The following HELZ variants were observed in gnomAD, a reference collection of about 807,000 sequenced individuals.
HELZ encodes ATP-dependent RNA helicase with zinc finger domain.
A neutral mutation model predicts 218.2 loss-of-function variants in HELZ; 23 were observed. The ratio of observed to expected loss-of-function variants is 0.11; its 90% confidence interval spans 0.08 to 0.15. The LOEUF (loss-of-function observed/expected upper bound fraction) is 0.15. HELZ is among the 10% of genes least tolerant of loss of function. The probability of loss-of-function intolerance (pLI) is 1.00; values close to 1 mark genes in which losing one functional copy is unlikely to be tolerated. For missense variants in HELZ, 1,813 were observed against 2,353.7 expected (o/e 0.77, Z 4.75); for synonymous variants, 814 against 829.4 (o/e 0.98, Z 0.32).
upstream of HELZ, chr17:67,245,930 C>T (rs1337992860): frequency 6.6e-6 from 1 of 152,176 alleles, no homozygotes; most frequent in Non-Finnish European, 1.5e-5. Flanking sequence ...CGGAGCCACC[C>T]TGGGAGCGTC....
At chr17:67,086,615 A>AATAAAT (rs937505131) in intron 32 of HELZ, among the ~76,000 whole-genome samples, 1,304 of 100,086 alleles carry the variant, frequency 0.013, 57 homozygotes, top group African/African-American at 0.052. Flanking sequence ...TATATATATA[A>AATAAAT]ATAAATATAA....
chr17:67,174,495 G>A (rs563153472), intron 13 of HELZ, among the ~76,000 whole-genome samples: 4 of 152,174 alleles, frequency 2.6e-5, no homozygotes, highest in African/African-American at 9.6e-5. Flanking sequence ...TACTACTTTC[G>A]TGATTAGAAA....
intron 15 of HELZ, 99 bp downstream of exon 15, chr17:67,166,379 A>C: frequency 9.6e-7 from 1 of 1,040,216 alleles, no homozygotes; most frequent in Non-Finnish European, 1.4e-6. Context: ...TGAAAAGCAA[A>C]GGCAAACTTT....
intron 27 of HELZ, among the ~76,000 whole-genome samples, chr17:67,119,278 T>C (rs892235669): frequency 6.6e-6 from 1 of 152,170 alleles, no homozygotes; most frequent in Non-Finnish European, 1.5e-5. Flanking sequence ...AATAAACATA[T>C]TGCGGTACAT....
chr17:67,244,723 G>C (rs908343396), intron 1 of HELZ: 6 of 984,794 alleles, frequency 6.1e-6, no homozygotes, highest in Non-Finnish European at 7.2e-6. Flanking sequence ...CTGAGGGGGG[G>C]CATCGAGCGG....
At chr17:67,118,484 G>A (rs2143809683) in intron 27 of HELZ, among the ~76,000 whole-genome samples, 1 of 151,892 alleles carries the variant, frequency 6.6e-6, no homozygotes, top group African/African-American at 2.4e-5. Flanking sequence ...CCCAAAACAT[G>A]ATCCATAGAA....
chr17:67,106,516 C>A (rs1338574444), intron 31 of HELZ, among the ~76,000 whole-genome samples: 2 of 152,036 alleles, frequency 1.3e-5, no homozygotes, highest in African/African-American at 2.4e-5. Flanking sequence ...ACCGTGTTAG[C>A]CAGGATGGTC....
Position 67,145,736 on chromosome 17 carries a change from A to C in HELZ, c.2769+7T>G. On this transcript the variant is annotated splice_region_variant and intron_variant, in intron 21 of 32. Coordinates refer to ENST00000358691, the MANE Select transcript of HELZ (RefSeq NM_014877.4). ...ATGTTAACAATTTACAAAAAGAATT[A>C]AGGTACCTCTGCATTATTATAAAAA... 6.3e-7 allele frequency: 1 copy of C among 1,585,764 alleles called. No homozygotes were observed.
intron 20 of HELZ, among the ~76,000 whole-genome samples, chr17:67,148,104 C>T (rs866390424): frequency 7.9e-5 from 12 of 152,088 alleles, no homozygotes; most frequent in Middle Eastern, 3.2e-3. Context: ...TGAAGCCAGC[C>T]GGTCAGAAGT....
rs185027971 is a variant in HELZ, at chr17:67,106,935, T to G, written c.5241+234A>C. Among the ~76,000 whole-genome samples the G allele has an allele frequency of 2.0e-5, 3 of 152,366 alleles. No homozygotes were observed. The East Asian group carries it at 5.8e-4, about 29-fold the overall frequency. ...ATAGAGTCCTCAGATATTCAATATTTTCTTTAAACAGCAATAAAAGACTTT... is the reference window on the plus strand; with the variant it reads ...ATAGAGTCCTCAGATATTCAATATTGTCTTTAAACAGCAATAAAAGACTTT... On this transcript the variant is annotated intron_variant, in intron 31 of 32. Transcript: ENST00000358691.
intron 8 of HELZ, 24 bp from the exon 9 acceptor site, chr17:67,194,066 C>T: frequency 6.5e-7 from 1 of 1,544,046 alleles, no homozygotes; most frequent in Non-Finnish European, 8.9e-7. Context: ...AGGATATAGT[C>T]TTATCATTTG....
intron 15 of HELZ, among the ~76,000 whole-genome samples, chr17:67,166,239 G>A (rs1598354134): frequency 1.3e-5 from 2 of 152,088 alleles, no homozygotes; most frequent in South Asian, 4.1e-4. Flanking sequence ...TAAATTGCTT[G>A]GCATCCTATC....
intron 21 of HELZ, among the ~76,000 whole-genome samples, chr17:67,140,084 G>C (rs1567834328): frequency 6.6e-6 from 1 of 152,208 alleles, no homozygotes; most frequent in Non-Finnish European, 1.5e-5. Flanking sequence ...ATGCTGGGTA[G>C]ATTCAGCAGC....
intron 2 of HELZ, among the ~76,000 whole-genome samples, chr17:67,242,753 T>G (rs2041359549): frequency 6.6e-6 from 1 of 151,800 alleles, no homozygotes; most frequent in Non-Finnish European, 1.5e-5. Context: ...GTATGTGCAC[T>G]TACAAAAGAA....
At chr17:67,087,224 A>T in intron 31 of HELZ, 143 bp from the exon 32 acceptor site, 1 of 743,764 alleles carries the variant, frequency 1.3e-6, no homozygotes, top group Non-Finnish European at 2.2e-6. Context: ...CCTCCACCCT[A>T]CTCCCACCAA....
At chr17:67,223,133 G>A (rs2040795419) in intron 3 of HELZ, among the ~76,000 whole-genome samples, 1 of 151,456 alleles carries the variant, frequency 6.6e-6, no homozygotes, top group South Asian at 2.1e-4. Flanking sequence ...GGTTGCGGGC[G>A]CCTGTAGTCC....
chr17:67,128,447 GATC>G (rs1489576271), intron 24 of HELZ: 30 of 582,358 alleles, frequency 5.2e-5, no homozygotes, highest in Non-Finnish European at 5.8e-5. Context: ...GTTTGAGAAT[GATC>G]ATAACATTAA....
chr17:67,195,158 A>G (rs181806418), intron 8 of HELZ, among the ~76,000 whole-genome samples: 12 of 152,308 alleles, frequency 7.9e-5, no homozygotes, highest in Admixed American at 2.0e-4. Flanking sequence ...TGATGTTTAA[A>G]TTTAGTCCTA....
At chr17:67,082,859 T>A (rs1047942616) in intron 32 of HELZ, among the ~76,000 whole-genome samples, 2 of 149,474 alleles carry the variant, frequency 1.3e-5, no homozygotes, top group Non-Finnish European at 3.0e-5. Flanking sequence ...TTTTTTTTTT[T>A]GTTTTTTTTT....
Sources: allele counts gnomAD v4.1 joint callset (sites outside exome capture counted in the v4.1 genomes callset), GRCh38; gene constraint gnomAD v4.1.1; transcripts MANE v1.5; gene names NCBI Gene and HGNC (gene_info 2026-07-23, HGNC 2026-07-21).